BFSP1: variants seen among roughly 807,000 people sequenced by gnomAD.
The protein encoded by BFSP1 is beaded filament structural protein 1, also known as filensin.
BFSP1 carries 38 observed loss-of-function variants against 43.9 expected under a neutral mutation model. The ratio of observed to expected loss-of-function variants is 0.87; its 90% CI spans 0.67 to 1.14. BFSP1 has a LOEUF of 1.14. Ranked by LOEUF, BFSP1 falls within the 50% of genes most tolerant of loss-of-function variation. The probability of loss-of-function intolerance (pLI) is 0.00; values close to 1 mark genes in which losing one functional copy is unlikely to be tolerated. For synonymous variants in BFSP1, 352 were observed against 354.8 expected, an observed-to-expected ratio of 0.99 and a Z score of 0.09; for missense variants, 850 against 875.1, an observed-to-expected ratio of 0.97 and a Z score of 0.36.
upstream of BFSP1, among the ~76,000 whole-genome samples, chr20:17,561,106 A>G (rs545119254): frequency 6.6e-6 from 1 of 152,314 alleles, no homozygotes; most frequent in East Asian, 1.9e-4. Context: ...TCTATCCTTA[A>G]AAAAATGCTT....
chr20:17,495,506 C>T (rs2033610456), intron 7 of BFSP1, among the ~76,000 whole-genome samples: 2 of 152,206 alleles, frequency 1.3e-5, no homozygotes, highest in Non-Finnish European at 2.9e-5. Flanking sequence ...TTCTGACATG[C>T]TCAGATGGCC....
chr20:17,526,302 C>T lies in BFSP1; in HGVS notation c.378-1394G>A, dbSNP rs370928987. Among the ~76,000 whole-genome samples, 3 of 152,000 alleles carry T rather than the reference C, an allele frequency of 2.0e-5. No homozygotes were observed. In the East Asian group the frequency reaches 5.8e-4, roughly 29 times the overall value. On this transcript the variant is annotated intron_variant, in intron 1 of 7. Transcript: ENST00000377873. ...TCCTCATCTTGCAAAGCAGAAACTCCGTACCCATTAAATACTAACTCCCCA... is the reference window on the plus strand; with the variant it reads ...TCCTCATCTTGCAAAGCAGAAACTCTGTACCCATTAAATACTAACTCCCCA...
At chr20:17,562,263 C>T (rs866640581), upstream of BFSP1, among the ~76,000 whole-genome samples, 138 of 119,468 alleles carry the variant, frequency 1.2e-3, no homozygotes, top group African/African-American at 3.6e-3. Context: ...AGCGATGGCT[C>T]ACGCCTGTAA....
intron 1 of BFSP1, among the ~76,000 whole-genome samples, chr20:17,566,111 C>T (rs963528139): frequency 6.8e-5 from 6 of 88,172 alleles, no homozygotes; most frequent in African/African-American, 2.7e-4. Flanking sequence ...GAGCAAGACT[C>T]CGTCTCAAAA....
intron 4 of BFSP1, 82 bp from the exon 5 acceptor site, chr20:17,509,078 C>G: frequency 9.9e-7 from 1 of 1,011,350 alleles, no homozygotes; most frequent in Non-Finnish European, 1.4e-6. Context: ...CTGGTATGGA[C>G]GGAATATCCG....
chr20:17,497,106 A>G lies in BFSP1; in HGVS notation c.957-83T>C, dbSNP rs6044850. Reference sequence around the variant, plus strand: ...TCGTTAATGTTGAGCAAAAATGAAAAAAAAGCTTTCTCTAGACCAAATTGC... The same window carrying G: ...TCGTTAATGTTGAGCAAAAATGAAAGAAAAGCTTTCTCTAGACCAAATTGC... On this transcript the variant is annotated intron_variant, in intron 6 of 7. Transcript: ENST00000377873. 513,626 of 1,144,842 alleles carry G rather than the reference A, an allele frequency of 0.45. 120,024 individuals carry two copies. The highest frequency in any genetic ancestry group is 0.68 in the African/African-American group (41,617 of 61,498). The allele number at this position is 1,144,842 out of a possible 1,614,324, so 70.9% of individuals were successfully genotyped here.
intron 6 of BFSP1, among the ~76,000 whole-genome samples, chr20:17,497,283 C>A (rs930917834): frequency 2.6e-5 from 4 of 151,916 alleles, no homozygotes; most frequent in African/African-American, 9.7e-5. Context: ...TGCTTATAAC[C>A]TAAAAATGCC....
intron 5 of BFSP1, among the ~76,000 whole-genome samples, chr20:17,500,118 T>C (rs2033760345): frequency 6.6e-6 from 1 of 152,270 alleles, no homozygotes; most frequent in Non-Finnish European, 1.5e-5. Context: ...CATTCAGCTT[T>C]GATTTTCTCC....
chr20:17,518,124 G>A (rs1173746816), intron 2 of BFSP1, among the ~76,000 whole-genome samples: 2 of 151,644 alleles, frequency 1.3e-5, no homozygotes, highest in East Asian at 1.9e-4. Flanking sequence ...GAGCTCCTGG[G>A]AAAACCACTC....
At chr20:17,544,330 C>T (rs143243476) in intron 1 of BFSP1, among the ~76,000 whole-genome samples, 1,591 of 152,362 alleles carry the variant, frequency 0.01, 12 homozygotes, top group Admixed American at 0.027. Context: ...ACAGCCCCAA[C>T]TCCCAATTGT....
At chr20:17,506,526 T>C (rs1433008444) in intron 5 of BFSP1, among the ~76,000 whole-genome samples, 1 of 123,988 alleles carries the variant, frequency 8.1e-6, no homozygotes, top group Non-Finnish European at 1.6e-5. Context: ...AATTAGTTTC[T>C]TTTTTTTTTT....
At chr20:17,524,195 A>C (rs1441255856) in intron 2 of BFSP1, among the ~76,000 whole-genome samples, 1 of 152,252 alleles carries the variant, frequency 6.6e-6, no homozygotes, top group Non-Finnish European at 1.5e-5. Flanking sequence ...GTGGTCCAGA[A>C]TCATTCTGCT....
intron 1 of BFSP1, among the ~76,000 whole-genome samples, chr20:17,549,264 C>T (rs1200175297): frequency 6.6e-6 from 1 of 152,174 alleles, no homozygotes; most frequent in African/African-American, 2.4e-5. Flanking sequence ...TTAGTCTGTA[C>T]TCGCACTGCT....
At chr20:17,550,762 C>T (rs1459389269) in intron 1 of BFSP1, among the ~76,000 whole-genome samples, 4 of 152,180 alleles carry the variant, frequency 2.6e-5, no homozygotes, top group Non-Finnish European at 4.4e-5. Flanking sequence ...CGTGAGCCAC[C>T]GTACCTGGCC....
rs1363553553 is a variant in BFSP1, at chr20:17,507,332, GAGAGAT to G, written c.735+1551_735+1556del. Among the ~76,000 whole-genome samples, 1 of 151,770 alleles carries G rather than the reference GAGAGAT, an allele frequency of 6.6e-6. No individual in the cohort carries two copies. Among genetic ancestry groups the G allele is most frequent in the Non-Finnish European group, 1.5e-5 (1 of 67,984 alleles). ...ATTTCAACATATCCATATGGATATA[GAGAGAT>G]AAAACAAGGGCTTCACAAAACAAAT... On this transcript the variant is annotated intron_variant, in intron 5 of 7. Coordinates refer to ENST00000377873, the MANE Select transcript of BFSP1 (RefSeq NM_001195.5). This position sits in a 1 kb window ranked among gnomAD's most constrained non-coding sequence, Gnocchi z 4.4.
Position 17,499,085 on chromosome 20 carries a change from T to C in BFSP1, c.736-45A>G, listed in dbSNP as rs6111549. ...GTAAGAAAATCCATCCCCCTTCTTC[T>C]CTAAGAGACAGACCTCACCAGGAAA... On this transcript the variant is annotated intron_variant, in intron 5 of 7. Coordinates refer to ENST00000377873, the MANE Select transcript of BFSP1 (RefSeq NM_001195.5). The C allele has an allele frequency of 0.28, 444,518 of 1,571,410 alleles. 64,222 individuals are homozygous for C. Among genetic ancestry groups the C allele is most frequent in the African/African-American group, 0.43 (32,182 of 73,986 alleles).
chr20:17,533,501 C>T (rs1220130381), upstream of BFSP1, among the ~76,000 whole-genome samples: 1 of 152,200 alleles, frequency 6.6e-6, no homozygotes, highest in African/African-American at 2.4e-5. Context: ...GGCTGCTCTG[C>T]TCCCAATGTC....
chr20:17,518,105 G>A (rs2034240635), intron 2 of BFSP1, among the ~76,000 whole-genome samples: 1 of 152,210 alleles, frequency 6.6e-6, no homozygotes, highest in Admixed American at 6.5e-5. Flanking sequence ...TGCCCACTGG[G>A]AGAAGCAAGA....
Position 17,531,035 on chromosome 20 carries a change from C to T in BFSP1, c.295G>A (p.Val99Ile). Reference sequence around the variant, plus strand: ...GCGCGCTCGGCCTCCAGGTCCCGGACGCGCTGGCGGTTGCTCTCGACTTGG... The same window carrying T: ...GCGCGCTCGGCCTCCAGGTCCCGGATGCGCTGGCGGTTGCTCTCGACTTGG... ...ARQVESNRQR[V>I]RDLEAERARL... Residue 99 changes from valine to isoleucine, a missense_variant, in exon 1 of 8, where the codon GTC becomes ATC. Transcript: ENST00000377873. The T allele has an allele frequency of 2.8e-6, 4 of 1,421,448 alleles. No homozygotes were observed. The highest frequency in any genetic ancestry group is 3.7e-6 in the Non-Finnish European group (4 of 1,091,256). 88.1% of individuals were successfully genotyped at this position (1,421,448 alleles called of 1,614,324 possible).
Sources: gnomAD v4.1 joint callset for allele counts (sites outside exome capture counted in the v4.1 genomes callset) on GRCh38, gnomAD v4.1.1 for gene constraint, Gnocchi (gnomAD v3.1) non-coding constraint, MANE v1.5 for transcripts, NCBI Gene and HGNC (gene_info 2026-07-23, HGNC 2026-07-21) for gene names.